The following CKAP5 variants were observed in gnomAD, a reference collection of about 807,000 sequenced individuals.
CKAP5 encodes the protein cytoskeleton associated protein 5.
Under a neutral mutation model 232.8 loss-of-function variants are expected in CKAP5, and 27 were observed. The ratio of observed to expected loss-of-function variants is 0.12; its 90% confidence interval spans 0.09 to 0.16. The LOEUF (loss-of-function observed/expected upper bound fraction) is 0.16, where lower values mean the gene tolerates loss of function less well. Ranked by LOEUF, CKAP5 falls within the 10% of genes least tolerant of loss-of-function variation. CKAP5 has a pLI of 1.00. For synonymous variants in CKAP5, 785 were observed against 841.1 expected (o/e 0.93, Z 1.16); for missense variants, 1,838 against 2,424.7 (o/e 0.76, Z 5.08).
rs1256072548 is a variant in CKAP5 at position 46,754,924 on chromosome 11, G to C, written c.4833C>G (p.Ile1611Met). ...TGCCAATGATACAGCTATACAACTT[G>C]ATGATCTCGTCCTTCTCCAATTTCT... ...ADEKLEKDEI[I>M]KLYSCIIGNM... Residue 1611 changes from isoleucine to methionine, a missense_variant, in exon 36 of 44, where the codon ATC becomes ATG. Ile to Met is a conservative substitution (Grantham distance 10). This residue lies in a region of CKAP5 where 579 missense variants were observed against 843.2 expected (regional missense o/e 0.69). Transcript: ENST00000529230. 7 of 1,613,648 alleles carry C rather than the reference G, an allele frequency of 4.3e-6. No homozygotes were observed. Among genetic ancestry groups the C allele is most frequent in the African/African-American group, 4.0e-5 (3 of 74,880 alleles).
intron 35 of CKAP5, among the ~76,000 whole-genome samples, chr11:46,756,004 G>T: frequency 6.6e-6 from 1 of 152,172 alleles, no homozygotes; most frequent in East Asian, 1.9e-4. Flanking sequence ...TTCAGACAGG[G>T]CTGATATTAA....
intron 38 of CKAP5, among the ~76,000 whole-genome samples, 196 bp downstream of exon 38, chr11:46,752,439 A>G (rs1262674790): frequency 6.6e-6 from 1 of 151,426 alleles, no homozygotes. Flanking sequence ...AGTAGCTGCT[A>G]CTATAGGTGC....
intron 32 of CKAP5, among the ~76,000 whole-genome samples, chr11:46,761,247 TC>T (rs2065152735): frequency 1.2e-5 from 1 of 80,346 alleles, no homozygotes; most frequent in Admixed American, 1.3e-4. Flanking sequence ...AGACCCTGTC[TC>T]AAAAAAAAAA....
intron 17 of CKAP5, among the ~76,000 whole-genome samples, chr11:46,783,608 T>A (rs1280912439): frequency 2.0e-5 from 3 of 152,080 alleles, no homozygotes; most frequent in Non-Finnish European, 1.5e-5. Context: ...TTTTTTTTTT[T>A]TTTTTAGAGA....
At chr11:46,805,746 G>A (rs1389220890) in intron 8 of CKAP5, among the ~76,000 whole-genome samples, 2 of 152,142 alleles carry the variant, frequency 1.3e-5, no homozygotes, top group Non-Finnish European at 2.9e-5. Flanking sequence ...GACTAGCCTG[G>A]CCAACATGGT....
chr11:46,832,929 C>G (rs1390428646), intron 1 of CKAP5, among the ~76,000 whole-genome samples: 2 of 151,900 alleles, frequency 1.3e-5, no homozygotes, highest in African/African-American at 4.8e-5. Context: ...TGCACTGTGG[C>G]CTGGGTGACA....
In CKAP5 at chr11:46,763,520, G is replaced by C; in HGVS notation, c.3648C>G (p.Asp1216Glu). The change falls in exon 29 of 44, where the codon GAC (aspartate) becomes GAG (glutamate). Residue 1216 changes from aspartate to glutamate, a missense_variant. Physicochemically the swap from Asp to Glu is conservative, Grantham distance 45 (BLOSUM62 2). Transcript: ENST00000529230. ...KWLQDEMFHS[D>E]FQHHNKALAV... is the part of the protein sequence containing the mutation. The stretch of plus-strand genomic sequence containing the variant: ...CAAGGGCTTTGTTATGATGCTGAAA[G>C]TCTGAGTGAAACATCTCATCTTGTA... The C allele has an allele frequency of 6.2e-7, 1 of 1,603,916 alleles. No homozygotes were observed. Among genetic ancestry groups the C allele is most frequent in the Non-Finnish European group, 8.5e-7 (1 of 1,176,724 alleles).
intron 1 of CKAP5, among the ~76,000 whole-genome samples, chr11:46,830,269 G>A (rs1313966881): frequency 2.0e-5 from 3 of 151,606 alleles, no homozygotes; most frequent in African/African-American, 7.3e-5. Context: ...GTGAAACCCC[G>A]TCTCTACTAA....
intron 38 of CKAP5, 108 bp downstream of exon 38, chr11:46,752,527 G>C: frequency 1.3e-6 from 1 of 742,380 alleles, no homozygotes; most frequent in South Asian, 2.0e-5. Flanking sequence ...GGTGTGACTT[G>C]GTTGATTTGA....
intron 36 of CKAP5, 45 bp downstream of exon 36, chr11:46,754,843 C>A: frequency 6.4e-7 from 1 of 1,557,670 alleles, no homozygotes; most frequent in Non-Finnish European, 8.8e-7. Flanking sequence ...CCTCTGTAGG[C>A]TGAGAGATTG....
At chr11:46,841,386 C>T (rs914527805) in intron 1 of CKAP5, among the ~76,000 whole-genome samples, 1 of 152,010 alleles carries the variant, frequency 6.6e-6, no homozygotes, top group African/African-American at 2.4e-5. Context: ...TCTGAGGTCA[C>T]AGAAGTTTTC....
intron 29 of CKAP5, 150 bp from the exon 30 acceptor site, chr11:46,763,329 C>T: frequency 1.1e-6 from 1 of 943,360 alleles, no homozygotes; most frequent in Non-Finnish European, 1.6e-6. Flanking sequence ...TATACACACA[C>T]ATTCATTTAT....
intron 1 of CKAP5, among the ~76,000 whole-genome samples, chr11:46,826,606 A>T (rs977028556): frequency 6.6e-6 from 1 of 152,044 alleles, no homozygotes; most frequent in South Asian, 2.1e-4. Context: ...CCAGAAGTAG[A>T]GCAGATACCC....
At chr11:46,776,211 G>A in intron 24 of CKAP5, 44 bp downstream of exon 24, 1 of 1,581,214 alleles carries the variant, frequency 6.3e-7, no homozygotes, top group Non-Finnish European at 8.6e-7. Flanking sequence ...CCCTATGGAA[G>A]TAAATGACAT....
intron 1 of CKAP5, among the ~76,000 whole-genome samples, chr11:46,835,361 T>C (rs1299992673): frequency 6.6e-6 from 1 of 151,396 alleles, no homozygotes; most frequent in Non-Finnish European, 1.5e-5. Context: ...GGTTTCTAAA[T>C]ACCAAGCAAA....
At position 46,770,005 on chromosome 11, in the gene CKAP5, GT is replaced by G; in HGVS notation, c.3279del (p.Lys1093AsnfsTer58). ...TTGGCTGGAGCGGACCCTCCCATTGGTTTAGAAGTTGCTTTAGTGGGTGGAG... is the reference window on the plus strand; with the variant it reads ...TTGGCTGGAGCGGACCCTCCCATTGGTTAGAAGTTGCTTTAGTGGGTGGAG... ...KPAPPTKATS[K>X]PMGGSAPAKF... is the part of the protein sequence containing the mutation. On this transcript the variant is annotated frameshift_variant, in exon 26 of 44. Transcript: ENST00000529230. LOFTEE classifies it high-confidence loss of function. 1 of 1,614,144 alleles carries G rather than the reference GT, an allele frequency of 6.2e-7. No individual in the cohort carries two copies. Among genetic ancestry groups the G allele is most frequent in the Non-Finnish European group, 8.5e-7 (1 of 1,180,012 alleles).
intron 1 of CKAP5, among the ~76,000 whole-genome samples, chr11:46,824,327 A>C (rs115254154): frequency 4.2e-3 from 636 of 152,354 alleles, no homozygotes; most frequent in African/African-American, 0.015. Flanking sequence ...CAGGAACTCA[A>C]ATACACCAAT....
intron 20 of CKAP5, 24 bp downstream of exon 20, chr11:46,780,170 T>G: frequency 6.2e-7 from 1 of 1,613,088 alleles, no homozygotes. Context: ...CACTAACAGA[T>G]TGTATCATTT....
rs1467659517 is a variant in CKAP5, at chr11:46,751,373, G to T, written c.5295C>A (p.His1765Gln). 2.5e-6 allele frequency: 4 copies of T among 1,613,984 alleles called. No individual in the cohort carries two copies. The highest frequency in any genetic ancestry group is 3.4e-6 in the Non-Finnish European group (4 of 1,179,994). The change falls in exon 39 of 44, where the codon CAC (histidine) becomes CAA (glutamine). Residue 1765 changes from histidine (H) to glutamine (Q), a missense_variant. Physicochemically the swap from His to Gln is conservative, Grantham distance 24. Around this residue, in one of 6 missense-constraint regions of CKAP5, gnomAD observed 579 missense variants for 843.2 expected, o/e 0.69. Transcript: ENST00000529230. ...FPIRTLKTLL[H>Q]TLCKLKGPKI... ...TGGGCCCTTTTAATTTGCATAAGGT[G>T]TGTAGCAGGGTCTTTAGGGTCCTTA...
Sources: gnomAD v4.1 joint callset for allele counts (sites outside exome capture counted in the v4.1 genomes callset) on GRCh38, gnomAD v4.1.1 for gene constraint, gnomAD v4.1.1 regional missense constraint, MANE v1.5 for transcripts, NCBI Gene and HGNC (gene_info 2026-07-23, HGNC 2026-07-21) for gene names.